Variants in CNTN5 observed in about 807,000 individuals in gnomAD.
CNTN5 encodes the protein contactin 5, also known as contactin-5.
Under a neutral mutation model 129.1 loss-of-function variants are expected in CNTN5, and 77 were observed. The observed-to-expected ratio is 0.60, with a 90% CI of 0.50 to 0.72. The LOEUF (loss-of-function observed/expected upper bound fraction) is 0.72. CNTN5 is among the 30% of genes least tolerant of loss of function. CNTN5 has a pLI of 0.00. For missense variants in CNTN5, 1,478 were observed against 1,328.8 expected, an observed-to-expected ratio of 1.11 and a Z score of -1.75; for synonymous variants, 509 against 465.6, an observed-to-expected ratio of 1.09 and a Z score of -1.20.
chr11:99,068,018 T>G (rs1452999386), intron 1 of CNTN5, among the ~76,000 whole-genome samples: 1 of 152,142 alleles, frequency 6.6e-6, no homozygotes, highest in Non-Finnish European at 1.5e-5. Context: ...TCCTGCATTA[T>G]TCTCCTTCTT....
intron 3 of CNTN5, among the ~76,000 whole-genome samples, chr11:99,671,534 C>A (rs1953044094): frequency 6.6e-6 from 1 of 151,984 alleles, no homozygotes; most frequent in Non-Finnish European, 1.5e-5. Flanking sequence ...TCACCTGATA[C>A]ATGAAGACAG....
intron 8 of CNTN5, among the ~76,000 whole-genome samples, chr11:99,998,205 A>G (rs1417847645): frequency 6.6e-6 from 1 of 151,982 alleles, no homozygotes; most frequent in African/African-American, 2.4e-5. Context: ...GGAAAAGAGG[A>G]AGTCAAATTG....
chr11:99,543,504 C>G (rs935773346), intron 2 of CNTN5, among the ~76,000 whole-genome samples: 5 of 152,194 alleles, frequency 3.3e-5, no homozygotes, highest in African/African-American at 1.2e-4. Flanking sequence ...CTTTCTTAAT[C>G]TGCTCTGACA....
At chr11:99,704,912 C>T (rs1007720697) in intron 3 of CNTN5, among the ~76,000 whole-genome samples, 9 of 151,094 alleles carry the variant, frequency 6.0e-5, no homozygotes, top group Admixed American at 2.7e-4. Flanking sequence ...TTATGTTGCC[C>T]GGGAATTCTT....
chr11:99,894,263 C>T (rs1249552562), intron 6 of CNTN5, among the ~76,000 whole-genome samples: 5 of 152,110 alleles, frequency 3.3e-5, no homozygotes, highest in East Asian at 1.9e-4. Flanking sequence ...TGATCTTTCT[C>T]GTCCTCACTT....
intron 1 of CNTN5, among the ~76,000 whole-genome samples, chr11:99,103,967 C>T (rs930708328): frequency 1.3e-5 from 2 of 152,074 alleles, no homozygotes; most frequent in East Asian, 1.9e-4. Context: ...GTCTTCTGGC[C>T]CCTAGAGCTA....
chr11:99,713,512 A>G (rs612322), intron 3 of CNTN5, among the ~76,000 whole-genome samples: 148,566 of 152,032 alleles, frequency 0.98, 72,683 homozygotes, highest in East Asian at 1. Context: ...TGATTGCCCT[A>G]GCCAGAATTT....
intron 17 of CNTN5, among the ~76,000 whole-genome samples, chr11:100,260,380 G>T (rs1247109427): frequency 6.6e-6 from 1 of 152,188 alleles, no homozygotes; most frequent in African/African-American, 2.4e-5. Context: ...AGAGGAGATG[G>T]TACCATTCCT....
chr11:99,193,320 A>G (rs1824583), intron 1 of CNTN5, among the ~76,000 whole-genome samples: 21,969 of 152,196 alleles, frequency 0.14, 2,022 homozygotes, highest in Non-Finnish European at 0.21. Flanking sequence ...ATGTAAAACA[A>G]GAATGGAGAG....
intron 2 of CNTN5, among the ~76,000 whole-genome samples, chr11:99,357,188 C>T (rs562105128): frequency 1.3e-5 from 2 of 151,874 alleles, no homozygotes; most frequent in South Asian, 2.1e-4. Context: ...CACAGATATG[C>T]GCTTTTAAAT....
intron 1 of CNTN5, chr11:99,120,381 ACGAGT>A (rs1416754619): frequency 6.6e-6 from 1 of 152,224 alleles, no homozygotes; most frequent in African/African-American, 2.4e-5. Context: ...TAAAGGATAT[ACGAGT>A]GGCTGTGCTT....
At chr11:99,643,587 G>T (rs947658640) in intron 3 of CNTN5, among the ~76,000 whole-genome samples, 1 of 152,010 alleles carries the variant, frequency 6.6e-6, no homozygotes, top group African/African-American at 2.4e-5. Context: ...ATAAAACAAG[G>T]AATAGAGATT....
chr11:99,995,589 T>C (rs1308499810), intron 8 of CNTN5, among the ~76,000 whole-genome samples: 1 of 152,152 alleles, frequency 6.6e-6, no homozygotes, highest in African/African-American at 2.4e-5. Context: ...TCTTCTTCTT[T>C]CCTCTCATTC....
intron 4 of CNTN5, among the ~76,000 whole-genome samples, chr11:99,840,191 C>A (rs1947438834): frequency 6.6e-6 from 1 of 152,086 alleles, no homozygotes; most frequent in African/African-American, 2.4e-5. Flanking sequence ...CACGCAAAAT[C>A]ATTAGTTAAA....
rs148826213 is a variant in CNTN5, at chr11:100,302,817, T to C, written c.2620+3421T>C. Reference sequence around the variant, plus strand: ...CATTCTCCACTCTATCCCTTTCTTTTCCTCCCAATAAAGCGTATCAGAATG... The same window carrying C: ...CATTCTCCACTCTATCCCTTTCTTTCCCTCCCAATAAAGCGTATCAGAATG... On this transcript the variant is annotated intron_variant, in intron 20 of 24. Coordinates refer to ENST00000524871, the MANE Select transcript of CNTN5 (RefSeq NM_014361.4). Among the ~76,000 whole-genome samples the C allele has an allele frequency of 7.0e-3, 1,069 of 151,642 alleles. 11 individuals carry two copies. Among genetic ancestry groups the C allele is most frequent in the Middle Eastern group, 0.034 (10 of 294 alleles).
At chr11:99,049,069 C>T (rs1423300812) in intron 1 of CNTN5, among the ~76,000 whole-genome samples, 2 of 152,140 alleles carry the variant, frequency 1.3e-5, no homozygotes, top group Admixed American at 1.3e-4. Context: ...TATGCCATGC[C>T]TGTTCTAAGT....
intron 1 of CNTN5, among the ~76,000 whole-genome samples, chr11:99,050,371 C>A (rs1196848702): frequency 6.6e-6 from 1 of 151,840 alleles, no homozygotes; most frequent in Non-Finnish European, 1.5e-5. Context: ...ACTGGTTTAT[C>A]ATTTGAAATA....
intron 9 of CNTN5, among the ~76,000 whole-genome samples, chr11:100,056,547 G>T (rs1473627063): frequency 6.6e-6 from 1 of 151,532 alleles, no homozygotes; most frequent in Non-Finnish European, 1.5e-5. Flanking sequence ...TTTGGTAAAG[G>T]ATAATTACAA....
At chr11:100,129,285 A>G (rs937887811) in intron 13 of CNTN5, among the ~76,000 whole-genome samples, 2 of 152,150 alleles carry the variant, frequency 1.3e-5, no homozygotes, top group Non-Finnish European at 2.9e-5. Flanking sequence ...CCTTTTTTCT[A>G]TTCACAGCTA....
Sources: allele counts gnomAD v4.1 joint callset (sites outside exome capture counted in the v4.1 genomes callset), GRCh38; gene constraint gnomAD v4.1.1; transcripts MANE v1.5; gene names NCBI Gene and HGNC (gene_info 2026-07-23, HGNC 2026-07-21).